TXK: variants seen among roughly 807,000 people sequenced by gnomAD.
TXK encodes the protein tyrosine-protein kinase TXK.
Under a neutral mutation model 81.0 loss-of-function variants are expected in TXK, and 60 were observed. That is an observed-to-expected ratio of 0.74 (90% CI 0.60 to 0.92). The LOEUF (loss-of-function observed/expected upper bound fraction) is 0.92. Ranked by LOEUF, TXK falls within the 40% of genes least tolerant of loss-of-function variation. The pLI is 0.00. For synonymous variants in TXK, 203 were observed against 210.7 expected, an observed-to-expected ratio of 0.96 and a Z score of 0.32; for missense variants, 581 against 638.3, an observed-to-expected ratio of 0.91 and a Z score of 0.97.
chr4:48,099,193 A>G (rs1718092560), intron 6 of TXK, among the ~76,000 whole-genome samples: 1 of 152,214 alleles, frequency 6.6e-6, no homozygotes, highest in South Asian at 2.1e-4. Context: ...CAGTTACAAA[A>G]TTAATTCACA....
intron 1 of TXK, among the ~76,000 whole-genome samples, chr4:48,114,700 G>A (rs535298921): frequency 1.3e-5 from 2 of 152,194 alleles, no homozygotes; most frequent in African/African-American, 2.4e-5. Context: ...GCTAATGTTC[G>A]CTAACAAATA....
At chr4:48,089,669 G>A in intron 9 of TXK, 81 bp downstream of exon 9, 1 of 1,191,288 alleles carries the variant, frequency 8.4e-7, no homozygotes, top group Non-Finnish European at 1.2e-6. Context: ...TAGGATTACA[G>A]CTGTGAGCCA....
chr4:48,074,781 T>C (rs1289304565), intron 12 of TXK, among the ~76,000 whole-genome samples: 1 of 152,108 alleles, frequency 6.6e-6, no homozygotes, highest in Non-Finnish European at 1.5e-5. Flanking sequence ...GCCCCTATAC[T>C]CTCACTTTTT....
chr4:48,119,533 CCTTT>C (rs1033047903), intron 1 of TXK, among the ~76,000 whole-genome samples: 110 of 152,156 alleles, frequency 7.2e-4, no homozygotes, highest in African/African-American at 2.7e-3. Context: ...TTTCTCTCTT[CCTTT>C]CTCTCTTCCT....
chr4:48,067,843 T>C (rs1716671352), intron 14 of TXK, 138 bp from the exon 15 acceptor site: 2 of 849,914 alleles, frequency 2.4e-6, no homozygotes, highest in Non-Finnish European at 1.8e-6. Context: ...TTTTCACTCA[T>C]GCAAAAATTC....
At chr4:48,068,185 T>C (rs1716683609) in intron 14 of TXK, among the ~76,000 whole-genome samples, 1 of 152,192 alleles carries the variant, frequency 6.6e-6, no homozygotes. Flanking sequence ...CAGAAGTGGC[T>C]GCCATATTGG....
intron 1 of TXK, among the ~76,000 whole-genome samples, chr4:48,120,391 A>G (rs959277148): frequency 2.0e-5 from 3 of 151,120 alleles, no homozygotes; most frequent in African/African-American, 7.3e-5. Flanking sequence ...ACGTATATAT[A>G]TGCAGTTACT....
chr4:48,127,021 C>T (rs948516148), intron 1 of TXK, among the ~76,000 whole-genome samples: 2 of 152,276 alleles, frequency 1.3e-5, no homozygotes, highest in South Asian at 2.1e-4. Context: ...AAGACAATGG[C>T]CTTTAAAGAA....
chr4:48,070,475 G>A (rs1042627484), intron 14 of TXK, among the ~76,000 whole-genome samples: 1 of 152,176 alleles, frequency 6.6e-6, no homozygotes, highest in Non-Finnish European at 1.5e-5. Flanking sequence ...AAAGTTGAGT[G>A]AAGTAAATGG....
At chr4:48,108,117 T>G (rs917829573) in intron 5 of TXK, among the ~76,000 whole-genome samples, 1 of 152,058 alleles carries the variant, frequency 6.6e-6, no homozygotes, top group African/African-American at 2.4e-5. Flanking sequence ...ATTTGTGGAC[T>G]TAGGGTTGTT....
At chr4:48,082,878 A>C (rs992331288) in intron 10 of TXK, among the ~76,000 whole-genome samples, 5 of 152,158 alleles carry the variant, frequency 3.3e-5, no homozygotes, top group African/African-American at 1.2e-4. Flanking sequence ...GCCAAACTCC[A>C]GGGGAAGATC....
intron 10 of TXK, among the ~76,000 whole-genome samples, chr4:48,084,748 T>A (rs1363105836): frequency 6.6e-6 from 1 of 152,108 alleles, no homozygotes; most frequent in Non-Finnish European, 1.5e-5. Flanking sequence ...TGTAAGTGAA[T>A]GGAAAGGATA....
chr4:48,134,120 C>A, intron 1 of TXK, 35 bp downstream of exon 1: 2 of 1,611,610 alleles, frequency 1.2e-6, no homozygotes, highest in Non-Finnish European at 1.7e-6. Flanking sequence ...CCAGAACAAG[C>A]CCCAAAAATA....
chr4:48,114,941 A>C (rs1488339009), intron 1 of TXK, among the ~76,000 whole-genome samples: 1 of 152,178 alleles, frequency 6.6e-6, no homozygotes, highest in Admixed American at 6.5e-5. Flanking sequence ...TTTAAAAAAA[A>C]TATTCTGGTG....
intron 13 of TXK, 28 bp downstream of exon 13, chr4:48,073,907 C>T (rs1233486306): frequency 3.8e-5 from 53 of 1,393,208 alleles, no homozygotes; most frequent in Non-Finnish European, 5.0e-5. Flanking sequence ...AAATCAAGCT[C>T]CAGCAAGTGA....
chr4:48,092,780 C>T (rs1192383121), intron 8 of TXK, among the ~76,000 whole-genome samples: 1 of 152,162 alleles, frequency 6.6e-6, no homozygotes, highest in Non-Finnish European at 1.5e-5. Context: ...CTCACTACTA[C>T]TGGAGGGAAT....
At chr4:48,076,617 A>G in intron 11 of TXK, 151 bp from the exon 12 acceptor site, 1 of 625,820 alleles carries the variant, frequency 1.6e-6, no homozygotes, top group Non-Finnish European at 2.8e-6. Flanking sequence ...AATGGTATAG[A>G]TTCAATAGTT....
intron 14 of TXK, among the ~76,000 whole-genome samples, chr4:48,070,145 A>T: frequency 1.2e-5 from 1 of 82,558 alleles, no homozygotes; most frequent in Non-Finnish European, 2.8e-5. Context: ...GAAACTTCTC[A>T]TCAAGCTGCA....
At chr4:48,095,361 G>A (rs899407495) in intron 6 of TXK, 139 bp from the exon 7 acceptor site, 5 of 620,914 alleles carry the variant, frequency 8.1e-6, no homozygotes, top group Non-Finnish European at 1.4e-5. Flanking sequence ...GAATTAGATT[G>A]TCTTTACAAG....
Sources: gnomAD v4.1 joint callset for allele counts (sites outside exome capture counted in the v4.1 genomes callset) on GRCh38, gnomAD v4.1.1 for gene constraint, MANE v1.5 for transcripts, NCBI Gene and HGNC (gene_info 2026-07-23, HGNC 2026-07-21) for gene names.